Variants in VANGL2 observed in about 807,000 individuals in gnomAD.
The protein encoded by VANGL2 is VANGL planar cell polarity protein 2, also known as vang-like protein 2.
VANGL2 carries 14 observed loss-of-function variants against 50.2 expected under a neutral mutation model. That is an observed-to-expected ratio of 0.28 (90% CI 0.18 to 0.44). The LOEUF is 0.44. Among genes scored for constraint, VANGL2 ranks in the 20% least tolerant of loss-of-function variants. VANGL2 has a pLI of 1.00. For synonymous variants in VANGL2, 295 were observed against 297.2 expected (o/e 0.99, Z 0.08); for missense variants, 533 against 701.5 (o/e 0.76, Z 2.71).
At chr1:160,408,847 C>A (rs1170435257) in intron 1 of VANGL2, among the ~76,000 whole-genome samples, 1 of 152,198 alleles carries the variant, frequency 6.6e-6, no homozygotes, top group Non-Finnish European at 1.5e-5. Context: ...AAATCTTCAT[C>A]CTATTTTTGG....
At chr1:160,402,102 T>G (rs1650487468) in intron 1 of VANGL2, among the ~76,000 whole-genome samples, 2 of 152,046 alleles carry the variant, frequency 1.3e-5, no homozygotes, top group African/African-American at 2.4e-5. Flanking sequence ...TGGGAGGGAA[T>G]GAGTTGTCTT....
intron 2 of VANGL2, 67 bp downstream of exon 2, chr1:160,415,975 G>A (rs547953710): frequency 1.8e-5 from 29 of 1,614,170 alleles, no homozygotes; most frequent in Non-Finnish European, 2.3e-5. Context: ...AGGTGGGCAC[G>A]TGCAGGGGTG....
At position 160,428,482 on chromosome 1, in the gene VANGL2, ACAGAGC is replaced by A. The variant is rs1651550977; in HGVS notation, c.*3105_*3110del. 6.6e-6 allele frequency: 1 copy of A among 152,286 alleles called. No homozygotes were observed. The highest frequency in any genetic ancestry group is 1.5e-5 in the Non-Finnish European group (1 of 67,998). 9.4% of individuals were successfully genotyped at this position (152,286 alleles called of 1,614,324 possible). On this transcript the variant is annotated 3_prime_UTR_variant, in exon 8 of 8. Transcript: ENST00000368061. ...TCCTTTTTTTTGGGGGGGTGGGGTT[ACAGAGC>A]TGAGACCTTGTGCATGCATGTAGAA...
Position 160,419,635 on chromosome 1 carries a change from T to C in VANGL2, c.800+26T>C. The C allele has an allele frequency of 6.3e-7, 1 of 1,595,862 alleles. No individual in the cohort carries two copies. Among genetic ancestry groups the C allele is most frequent in the Non-Finnish European group, 8.5e-7 (1 of 1,179,124 alleles). On this transcript the variant is annotated intron_variant, in intron 4 of 7. Transcript: ENST00000368061. This position sits in a 1 kb window ranked among gnomAD's most constrained non-coding sequence, Gnocchi z 5.8. ...GTACTAGCCCACGGCTGGAGAAGGG[T>C]TGGGAGGGAAAGGGCATGGGAGGAT...
intron 1 of VANGL2, among the ~76,000 whole-genome samples, chr1:160,409,903 A>T (rs374104250): frequency 2.6e-5 from 4 of 152,254 alleles, no homozygotes; most frequent in African/African-American, 7.2e-5. Flanking sequence ...GGCACTATGG[A>T]TGGTGATGAT....
At chr1:160,415,146 G>A (rs1048066523) in intron 1 of VANGL2, among the ~76,000 whole-genome samples, 5 of 152,206 alleles carry the variant, frequency 3.3e-5, no homozygotes, top group Non-Finnish European at 5.9e-5. Flanking sequence ...ATCAAGGGAA[G>A]CAGCCCACTG....
intron 1 of VANGL2, among the ~76,000 whole-genome samples, chr1:160,407,363 G>A (rs1253009346): frequency 1.3e-5 from 2 of 152,090 alleles, no homozygotes; most frequent in East Asian, 3.9e-4. Context: ...TCAGGATGGG[G>A]ATACCCAGCC....
chr1:160,414,504 C>T (rs1473304310), intron 1 of VANGL2, among the ~76,000 whole-genome samples: 1 of 152,144 alleles, frequency 6.6e-6, no homozygotes, highest in African/African-American at 2.4e-5. Context: ...AAGTGGTAGC[C>T]CTTACTCCAT....
chr1:160,417,598 C>T (rs1651105967), intron 3 of VANGL2, among the ~76,000 whole-genome samples: 2 of 152,244 alleles, frequency 1.3e-5, no homozygotes, highest in Non-Finnish European at 2.9e-5. Flanking sequence ...CGCCTTCACC[C>T]CTTTACCCCT....
chr1:160,411,594 G>A (rs764107157), intron 1 of VANGL2, among the ~76,000 whole-genome samples: 4 of 152,176 alleles, frequency 2.6e-5, no homozygotes, highest in South Asian at 4.2e-4. Flanking sequence ...CTCAGAAGTC[G>A]GGTTCATTTT....
intron 1 of VANGL2, among the ~76,000 whole-genome samples, chr1:160,409,390 G>A (rs1650798050): frequency 6.6e-6 from 1 of 152,098 alleles, no homozygotes. Context: ...TTTCAGCTTG[G>A]TGCTGGGAAC....
At chr1:160,418,465 T>G (rs985680108) in intron 3 of VANGL2, among the ~76,000 whole-genome samples, 2 of 152,092 alleles carry the variant, frequency 1.3e-5, no homozygotes, top group Admixed American at 6.5e-5. Flanking sequence ...TTTGTTTTTT[T>G]TTTTTAAAGG....
Position 160,425,496 on chromosome 1 carries a change from T to A in VANGL2, c.*118T>A. The A allele has an allele frequency of 1.9e-6, 2 of 1,037,206 alleles. No homozygotes were observed. The highest frequency in any genetic ancestry group is 1.7e-5 in the South Asian group (1 of 58,468). 64.3% of individuals were successfully genotyped at this position (1,037,206 alleles called of 1,614,324 possible). On this transcript the variant is annotated 3_prime_UTR_variant, in exon 8 of 8. Transcript: ENST00000368061. ...CTTCTTCTTCTTGCTCTTTTTTTTT[T>A]ACTTGAATTAACGCACCCCCACCTT...
Position 160,419,440 on chromosome 1 carries a change from A to T in VANGL2, c.631A>T (p.Ser211Cys), listed in dbSNP as rs753789134. The T allele has an allele frequency of 1.2e-6, 2 of 1,611,068 alleles. No individual in the cohort carries two copies. Among genetic ancestry groups the T allele is most frequent in the East Asian group, 4.5e-5 (2 of 44,868 alleles). The change falls in exon 4 of 8, where the codon AGC (serine) becomes TGC (cysteine). Residue 211 changes from serine (S) to cysteine (C), a missense_variant. Transcript: ENST00000368061. This position sits in a 1 kb window ranked among gnomAD's most constrained non-coding sequence, Gnocchi z 5.8. ...GVRILDARER[S>C]YQGVVQFAVS... Reference sequence around the variant, plus strand: ...GCGCATCCTGGATGCTCGGGAGCGCAGCTACCAGGGCGTGGTGCAGTTCGC... The same window carrying T: ...GCGCATCCTGGATGCTCGGGAGCGCTGCTACCAGGGCGTGGTGCAGTTCGC...
At position 160,426,146 on chromosome 1, in the gene VANGL2, C is replaced by G. The variant is rs545329812; in HGVS notation, c.*768C>G. ...CTTCCAATGTGTCTTCCTAGGCAGC[C>G]CCTGAGGAGGAGGGCTGAATAGATC... On this transcript the variant is annotated 3_prime_UTR_variant, in exon 8 of 8. Coordinates refer to ENST00000368061, the MANE Select transcript of VANGL2 (RefSeq NM_020335.3). 9.2e-5 allele frequency: 14 copies of G among 152,318 alleles called. No individual in the cohort carries two copies. The highest frequency in any genetic ancestry group is 3.4e-4 in the African/African-American group (14 of 41,504). 9.4% of individuals were successfully genotyped at this position (152,318 alleles called of 1,614,324 possible). A position where few individuals can be genotyped will look rare whatever the true frequency, so the allele number is the denominator to read the frequency against.
rs1651514644 is a variant in VANGL2 at position 160,427,877 on chromosome 1, C to T, written c.*2499C>T. On this transcript the variant is annotated 3_prime_UTR_variant, in exon 8 of 8. Coordinates refer to ENST00000368061, the MANE Select transcript of VANGL2 (RefSeq NM_020335.3). Reference sequence around the variant, plus strand: ...GTGACTCATGGCATCCTCGTTCATCCCCACCGTGCCTAGCAGGCCTTCCTT... The same window carrying T: ...GTGACTCATGGCATCCTCGTTCATCTCCACCGTGCCTAGCAGGCCTTCCTT... The T allele has an allele frequency of 6.5e-6, 1 of 152,792 alleles. No individual in the cohort carries two copies. Among genetic ancestry groups the T allele is most frequent in the African/African-American group, 2.4e-5 (1 of 41,402 alleles). 9.5% of individuals were successfully genotyped at this position (152,792 alleles called of 1,614,324 possible).
chr1:160,424,371 T>C, intron 7 of VANGL2, 88 bp downstream of exon 7: 3 of 1,269,288 alleles, frequency 2.4e-6, no homozygotes, highest in Non-Finnish European at 3.4e-6. Flanking sequence ...CTCACTACTT[T>C]CCTCACTGTC....
intron 1 of VANGL2, among the ~76,000 whole-genome samples, chr1:160,404,002 A>G (rs1650567967): frequency 6.6e-6 from 1 of 152,238 alleles, no homozygotes; most frequent in East Asian, 1.9e-4. Context: ...TCTTGGGGTT[A>G]TGAGGATTAA....
At chr1:160,415,311 C>T (rs1449040441) in intron 1 of VANGL2, among the ~76,000 whole-genome samples, 3 of 152,202 alleles carry the variant, frequency 2.0e-5, no homozygotes, top group Non-Finnish European at 4.4e-5. Context: ...CTCTTCATGC[C>T]TCGGTTTCCC....
Sources: allele counts gnomAD v4.1 joint callset (sites outside exome capture counted in the v4.1 genomes callset), GRCh38; gene constraint gnomAD v4.1.1; non-coding constraint Gnocchi (gnomAD v3.1); transcripts MANE v1.5; gene names NCBI Gene and HGNC (gene_info 2026-07-23, HGNC 2026-07-21).